TMTC1: variants seen among roughly 807,000 people sequenced by gnomAD.
TMTC1 encodes protein O-mannosyl-transferase TMTC1.
Under a neutral mutation model 104.8 loss-of-function variants are expected in TMTC1, and 73 were observed. The ratio of observed to expected loss-of-function variants is 0.70; its 90% CI spans 0.58 to 0.85. The LOEUF is 0.85. Ranked by LOEUF, TMTC1 falls within the 40% of genes least tolerant of loss-of-function variation. TMTC1 has a pLI of 0.00. For synonymous variants in TMTC1, 434 were observed against 428.7 expected, an observed-to-expected ratio of 1.01 and a Z score of -0.15; for missense variants, 1,035 against 1,096.1, an observed-to-expected ratio of 0.94 and a Z score of 0.79.
chr12:29,758,858 T>G, intron 2 of TMTC1, 81 bp from the exon 3 acceptor site: 1 of 1,197,416 alleles, frequency 8.4e-7, no homozygotes, highest in Non-Finnish European at 1.1e-6. Flanking sequence ...TACAGAAATG[T>G]ATTTGTTGTT....
chr12:29,566,662 G>C lies in TMTC1; in HGVS notation c.1532+5443C>G, dbSNP rs540185271. On this transcript the variant is annotated intron_variant, in intron 9 of 17. Coordinates refer to ENST00000539277, the MANE Select transcript of TMTC1 (RefSeq NM_001193451.2). ...CTGAGAGGTGGAGGGGACAGTGGAC[G>C]TGGAGGGAGGTGGTCAGATTCTGTG... Among the ~76,000 whole-genome samples the C allele has an allele frequency of 7.2e-5, 11 of 152,322 alleles. No individual in the cohort carries two copies. In the East Asian group the frequency reaches 1.5e-3, roughly 21 times the overall value.
chr12:29,612,350 G>T (rs1342667651), intron 6 of TMTC1, among the ~76,000 whole-genome samples: 2 of 152,146 alleles, frequency 1.3e-5, no homozygotes, highest in African/African-American at 4.8e-5. Context: ...CATATTTCTT[G>T]TCAAGTACTC....
At chr12:29,583,143 A>C (rs1946028397) in intron 8 of TMTC1, among the ~76,000 whole-genome samples, 1 of 152,116 alleles carries the variant, frequency 6.6e-6, no homozygotes, top group African/African-American at 2.4e-5. Flanking sequence ...AACTGTTTCC[A>C]TCTGAATTCA....
intron 9 of TMTC1, 63 bp downstream of exon 9, chr12:29,572,042 C>G: frequency 7.6e-7 from 1 of 1,308,586 alleles, no homozygotes. Flanking sequence ...CTGGGAGGGC[C>G]AAGTGAAATA....
chr12:29,747,853 T>C (rs912494419), intron 5 of TMTC1, among the ~76,000 whole-genome samples: 5 of 152,110 alleles, frequency 3.3e-5, no homozygotes, highest in African/African-American at 1.2e-4. Context: ...ATGAGAAAAC[T>C]GAGGCTCACA....
At chr12:29,727,856 T>A (rs1942439875) in intron 5 of TMTC1, among the ~76,000 whole-genome samples, 1 of 152,088 alleles carries the variant, frequency 6.6e-6, no homozygotes, top group Non-Finnish European at 1.5e-5. Context: ...ACTGCCACAA[T>A]CATAGCTCAC....
At chr12:29,710,945 A>AATAT (rs543021612) in intron 5 of TMTC1, among the ~76,000 whole-genome samples, 947 of 17,926 alleles carry the variant, frequency 0.053, 13 homozygotes, top group African/African-American at 0.069. Context: ...ATAATATATA[A>AATAT]ATATATATAT....
Position 29,575,555 on chromosome 12 carries a change from C to T in TMTC1, c.1419-3337G>A, listed in dbSNP as rs1945798617. On this transcript the variant is annotated intron_variant, in intron 8 of 17. Transcript: ENST00000539277. ...TGAGCAAAGACTGCCCCACTAAAAT[C>T]CACTGGCTGGGAGCTTGAGGACCTC... 2.0e-5 allele frequency among the ~76,000 whole-genome samples: 3 copies of T among 150,904 alleles called. No individual in the cohort carries two copies. In the South Asian group the frequency reaches 6.4e-4, roughly 32 times the overall value.
chr12:29,666,757 T>C (rs1940304234), intron 5 of TMTC1, among the ~76,000 whole-genome samples: 1 of 152,178 alleles, frequency 6.6e-6, no homozygotes, highest in Admixed American at 6.5e-5. Context: ...CACCTGATAA[T>C]TTTTGCCTAA....
At chr12:29,693,332 C>A (rs1466318147) in intron 5 of TMTC1, among the ~76,000 whole-genome samples, 1 of 144,524 alleles carries the variant, frequency 6.9e-6, no homozygotes, top group Non-Finnish European at 1.5e-5. Context: ...ATTAGCATAT[C>A]CATCATCTCA....
intron 6 of TMTC1, among the ~76,000 whole-genome samples, chr12:29,619,430 T>C (rs1947072676): frequency 6.6e-6 from 1 of 152,162 alleles, no homozygotes; most frequent in South Asian, 2.1e-4. Context: ...ACAGGTGACA[T>C]ATTAATAATT....
At chr12:29,580,209 C>T (rs1041879759) in intron 8 of TMTC1, among the ~76,000 whole-genome samples, 2 of 152,124 alleles carry the variant, frequency 1.3e-5, no homozygotes, top group African/African-American at 4.8e-5. Flanking sequence ...GTCCCATCTC[C>T]TCGGTAGGCT....
At chr12:29,778,878 T>A (rs930523402) in intron 1 of TMTC1, among the ~76,000 whole-genome samples, 1 of 152,162 alleles carries the variant, frequency 6.6e-6, no homozygotes, top group Non-Finnish European at 1.5e-5. Flanking sequence ...GTGTCTATTA[T>A]CCAAGTTGAA....
chr12:29,589,304 T>G (rs1946220857), intron 7 of TMTC1, among the ~76,000 whole-genome samples: 1 of 152,232 alleles, frequency 6.6e-6, no homozygotes, highest in African/African-American at 2.4e-5. Context: ...TGTGATTCTG[T>G]GTTCCTTTCT....
intron 1 of TMTC1, among the ~76,000 whole-genome samples, chr12:29,768,704 C>G (rs1943529583): frequency 6.6e-6 from 1 of 152,188 alleles, no homozygotes; most frequent in Admixed American, 6.5e-5. Context: ...TCATGTTCCA[C>G]AATGTGTATT....
Position 29,654,677 on chromosome 12 carries a change from G to A in TMTC1, c.939-21341C>T, listed in dbSNP as rs149256417. ...GTGAATGTTCATAGCACCATTATTC[G>A]TAATAGCCAAAAAGAGGAAACAACC... On this transcript the variant is annotated intron_variant, in intron 5 of 17. Transcript: ENST00000539277. 2.1e-4 allele frequency among the ~76,000 whole-genome samples: 31 copies of A among 150,088 alleles called. No individual in the cohort carries two copies. The East Asian group carries it at 3.5e-3, about 17-fold the overall frequency.
intron 9 of TMTC1, among the ~76,000 whole-genome samples, chr12:29,557,206 T>C (rs761324433): frequency 3.3e-5 from 5 of 152,218 alleles, no homozygotes; most frequent in Admixed American, 6.5e-5. Context: ...ATATTTATAA[T>C]TAAATAATTC....
At chr12:29,698,044 A>T (rs1243156281) in intron 5 of TMTC1, among the ~76,000 whole-genome samples, 1 of 152,160 alleles carries the variant, frequency 6.6e-6, no homozygotes, top group African/African-American at 2.4e-5. Flanking sequence ...GGAAATCAGG[A>T]GGTGCTGGAA....
At chr12:29,639,516 G>T (rs956920967) in intron 5 of TMTC1, among the ~76,000 whole-genome samples, 6 of 152,210 alleles carry the variant, frequency 3.9e-5, no homozygotes, top group Admixed American at 2.0e-4. Flanking sequence ...TGAGCAATTA[G>T]AACTTTGAAA....
Sources: allele counts gnomAD v4.1 joint callset (sites outside exome capture counted in the v4.1 genomes callset), GRCh38; gene constraint gnomAD v4.1.1; transcripts MANE v1.5; gene names NCBI Gene and HGNC (gene_info 2026-07-23, HGNC 2026-07-21).